Variants in LRBA observed in about 807,000 individuals in gnomAD.
LRBA encodes LPS responsive beige-like anchor protein, also known as lipopolysaccharide-responsive and beige-like anchor protein.
In LRBA, 176 loss-of-function variants were observed where a neutral mutation model predicts 330.0. The observed-to-expected ratio is 0.53, with a 90% CI of 0.47 to 0.60. The LOEUF (loss-of-function observed/expected upper bound fraction) is 0.60, where lower values mean the gene tolerates loss of function less well. Among genes scored for constraint, LRBA ranks in the 20% least tolerant of loss-of-function variants. The probability of loss-of-function intolerance (pLI) is 0.00; values close to 1 mark genes in which losing one functional copy is unlikely to be tolerated. For missense variants in LRBA, 3,259 were observed against 3,444.8 expected, an observed-to-expected ratio of 0.95 and a Z score of 1.35; for synonymous variants, 1,230 against 1,193.0, an observed-to-expected ratio of 1.03 and a Z score of -0.64.
intron 37 of LRBA, among the ~76,000 whole-genome samples, chr4:150,619,158 C>T (rs1486995140): frequency 1.3e-5 from 2 of 152,226 alleles, no homozygotes; most frequent in East Asian, 1.9e-4. Context: ...CTTATGGTTT[C>T]ATTTTACACT....
chr4:150,872,776 A>T, intron 17 of LRBA, 21 bp from the exon 18 acceptor site: 1 of 1,287,660 alleles, frequency 7.8e-7, no homozygotes, highest in Non-Finnish European at 1.1e-6. Flanking sequence ...AAAAATTTAA[A>T]ACAAACTATT....
intron 37 of LRBA, among the ~76,000 whole-genome samples, chr4:150,681,535 A>T (rs1158223826): frequency 6.6e-6 from 1 of 152,240 alleles, no homozygotes; most frequent in Non-Finnish European, 1.5e-5. Flanking sequence ...ATGATACAGA[A>T]CTAAATATAA....
chr4:150,528,634 T>A (rs927805731), intron 40 of LRBA, among the ~76,000 whole-genome samples: 1 of 152,086 alleles, frequency 6.6e-6, no homozygotes, highest in Non-Finnish European at 1.5e-5. Flanking sequence ...GCAGTAAGGT[T>A]GTCTTAGGAG....
At chr4:150,467,060 C>A (rs1755533136) in intron 44 of LRBA, among the ~76,000 whole-genome samples, 1 of 151,986 alleles carries the variant, frequency 6.6e-6, no homozygotes, top group Non-Finnish European at 1.5e-5. Flanking sequence ...TGAAAGTTAT[C>A]AAAGACTACA....
intron 39 of LRBA, among the ~76,000 whole-genome samples, chr4:150,589,038 T>TACAC (rs1237914387): frequency 8.7e-6 from 1 of 114,588 alleles, no homozygotes; most frequent in Non-Finnish European, 1.8e-5. Context: ...TCTGTGTGTG[T>TACAC]ATACACACAC....
chr4:150,483,414 T>C (rs1349544161), intron 42 of LRBA, among the ~76,000 whole-genome samples: 1 of 152,028 alleles, frequency 6.6e-6, no homozygotes, highest in Non-Finnish European at 1.5e-5. Context: ...TTTGTTTTTT[T>C]TTCTCAAAAT....
chr4:150,352,386 TTATGA>T (rs1202170388), intron 47 of LRBA, among the ~76,000 whole-genome samples: 5 of 152,188 alleles, frequency 3.3e-5, no homozygotes, highest in African/African-American at 1.2e-4. Context: ...TAACATAGCT[TTATGA>T]TATATCACAA....
At chr4:150,349,819 C>A (rs1329407607) in intron 48 of LRBA, among the ~76,000 whole-genome samples, 173 bp downstream of exon 48, 1 of 152,100 alleles carries the variant, frequency 6.6e-6, no homozygotes. Flanking sequence ...TTGGAAGGAA[C>A]CTCTGGGTTC....
At chr4:150,346,231 A>G (rs1356043049) in intron 48 of LRBA, among the ~76,000 whole-genome samples, 1 of 152,042 alleles carries the variant, frequency 6.6e-6, no homozygotes, top group African/African-American at 2.4e-5. Flanking sequence ...CATACTTAGA[A>G]TATCACAGGC....
chr4:150,536,108 C>T (rs1369493993), intron 40 of LRBA, among the ~76,000 whole-genome samples: 1 of 152,048 alleles, frequency 6.6e-6, no homozygotes, highest in East Asian at 1.9e-4. Flanking sequence ...AGAACAAATG[C>T]ACTGGTCTCC....
chr4:150,548,142 T>G (rs552331581), intron 40 of LRBA, among the ~76,000 whole-genome samples: 1 of 152,296 alleles, frequency 6.6e-6, no homozygotes, highest in South Asian at 2.1e-4. Context: ...AACATTTTTT[T>G]CAAAGTAAAA....
At chr4:150,621,316 A>C (rs894775578) in intron 37 of LRBA, among the ~76,000 whole-genome samples, 1 of 152,180 alleles carries the variant, frequency 6.6e-6, no homozygotes, top group African/African-American at 2.4e-5. Context: ...TGTATTTTTA[A>C]AAACTGTGGG....
chr4:150,297,017 G>T (rs1729063400), intron 53 of LRBA, among the ~76,000 whole-genome samples: 1 of 147,940 alleles, frequency 6.8e-6, no homozygotes, highest in Non-Finnish European at 1.5e-5. Flanking sequence ...GCCAACTATT[G>T]TTTGAAATTA....
chr4:150,366,511 A>G (rs1739486970), intron 47 of LRBA, among the ~76,000 whole-genome samples: 1 of 152,194 alleles, frequency 6.6e-6, no homozygotes, highest in Non-Finnish European at 1.5e-5. Flanking sequence ...AGTTAATTGA[A>G]ACATTCCTGT....
In LRBA at chr4:150,639,372, A is replaced by G. The variant is rs1322633059; in HGVS notation, c.5922-40241T>C. ...ACTTAAAGTATAATAAAAAAAAAAA[A>G]GAAAAAAAAAAACAAAGAAAAAAAA... is the stretch of plus-strand genomic sequence containing the variant. On this transcript the variant is annotated intron_variant, in intron 37 of 56. Transcript: ENST00000651943. Among the ~76,000 whole-genome samples, 345 of 138,630 alleles carry G rather than the reference A, an allele frequency of 2.5e-3. 4 individuals are homozygous for G. Among genetic ancestry groups the G allele is most frequent in the African/African-American group, 4.2e-3 (144 of 34,660 alleles). The allele number at this position is 138,630 out of a possible 152,430, so 90.9% of individuals were successfully genotyped here. A position where few individuals can be genotyped will look rare whatever the true frequency, so the allele number is the denominator to read the frequency against.
chr4:150,754,035 C>G (rs559196243), intron 35 of LRBA, among the ~76,000 whole-genome samples: 1 of 151,470 alleles, frequency 6.6e-6, no homozygotes, highest in South Asian at 2.1e-4. Context: ...CTACTGCACT[C>G]CAGCCTGGGC....
At chr4:150,613,020 T>C (rs976946269) in intron 37 of LRBA, among the ~76,000 whole-genome samples, 4 of 152,130 alleles carry the variant, frequency 2.6e-5, no homozygotes, top group Non-Finnish European at 5.9e-5. Flanking sequence ...TATAGAGGTC[T>C]GAAAATTGGA....
chr4:150,319,387 G>T (rs1185121812), intron 50 of LRBA, among the ~76,000 whole-genome samples: 1 of 152,142 alleles, frequency 6.6e-6, no homozygotes, highest in Admixed American at 6.5e-5. Context: ...CTGGTGCAAA[G>T]CTCTAAGGGT....
At chr4:150,629,596 A>G (rs1272739333) in intron 37 of LRBA, among the ~76,000 whole-genome samples, 1 of 152,010 alleles carries the variant, frequency 6.6e-6, no homozygotes, top group Non-Finnish European at 1.5e-5. Flanking sequence ...CCAAGGTCAC[A>G]CTACTGTACT....
Sources: allele counts gnomAD v4.1 joint callset (sites outside exome capture counted in the v4.1 genomes callset), GRCh38; gene constraint gnomAD v4.1.1; transcripts MANE v1.5; gene names NCBI Gene and HGNC (gene_info 2026-07-23, HGNC 2026-07-21).